The following ACOXL variants were observed in gnomAD, a reference collection of about 807,000 sequenced individuals.
ACOXL encodes acyl-coenzyme A oxidase-like protein.
A neutral mutation model predicts 71.9 loss-of-function variants in ACOXL; 70 were observed. That is an observed-to-expected ratio of 0.97 (90% confidence interval 0.80 to 1.19). The LOEUF (loss-of-function observed/expected upper bound fraction) is 1.19. Among genes scored for constraint, ACOXL ranks in the 50% most tolerant of loss-of-function variants. The pLI, the probability that ACOXL is intolerant of heterozygous loss-of-function variation, is 0.00. For synonymous variants in ACOXL, 253 were observed against 281.6 expected (o/e 0.90, Z 1.02); for missense variants, 703 against 736.3 (o/e 0.95, Z 0.52).
intron 17 of ACOXL, among the ~76,000 whole-genome samples, chr2:111,102,651 A>C (rs1422056199): frequency 1.3e-5 from 2 of 152,134 alleles, no homozygotes; most frequent in African/African-American, 4.8e-5. Context: ...TTGCACAAAA[A>C]AAAAAGACCT....
chr2:110,954,269 C>T (rs181156825), intron 12 of ACOXL, among the ~76,000 whole-genome samples: 3 of 152,254 alleles, frequency 2.0e-5, no homozygotes, highest in African/African-American at 7.2e-5. Context: ...TTATAAACAA[C>T]ATTTGCCTAT....
At chr2:110,889,798 A>G (rs563196382) in intron 10 of ACOXL, among the ~76,000 whole-genome samples, 1 of 152,296 alleles carries the variant, frequency 6.6e-6, no homozygotes, top group East Asian at 1.9e-4. Context: ...TGCTCCTATC[A>G]ACAGTCATGC....
intron 12 of ACOXL, chr2:110,968,778 CA>C (rs35801632): frequency 0.09 from 19,352 of 216,214 alleles, 1 homozygote; most frequent in Middle Eastern, 0.16. Context: ...TTATGGACAG[CA>C]AAAAAAAAAA....
intron 17 of ACOXL, among the ~76,000 whole-genome samples, chr2:111,096,910 C>T (rs1329662614): frequency 6.6e-6 from 1 of 152,096 alleles, no homozygotes; most frequent in Non-Finnish European, 1.5e-5. Flanking sequence ...TTTACCCTCC[C>T]CCTGTGGATA....
At position 110,910,087 on chromosome 2, in the gene ACOXL, A is replaced by G. The variant is rs555281274; in HGVS notation, c.905+1182A>G. Among the ~76,000 whole-genome samples the G allele has an allele frequency of 5.9e-5, 9 of 152,248 alleles. No homozygotes were observed. The South Asian group carries it at 1.9e-3, about 32-fold the overall frequency. On this transcript the variant is annotated intron_variant, in intron 11 of 17. Coordinates refer to ENST00000439055, the MANE Select transcript of ACOXL (RefSeq NM_001142807.4). ...TCTCGTGTAATAAACACTAAAACCA[A>G]ATACAAAACATTTCCATCATCCCCA...
At chr2:111,049,174 G>A in intron 15 of ACOXL, 44 bp from the exon 16 acceptor site, 3 of 1,455,086 alleles carry the variant, frequency 2.1e-6, no homozygotes, top group Non-Finnish European at 2.9e-6. Flanking sequence ...AGGGCTCTGA[G>A]GCGGAAGTGA....
chr2:110,793,359 A>C (rs549950640), intron 3 of ACOXL, among the ~76,000 whole-genome samples: 1 of 152,312 alleles, frequency 6.6e-6, no homozygotes, highest in African/African-American at 2.4e-5. Flanking sequence ...TGAGAGGACA[A>C]AGCAGAATGA....
At chr2:110,871,609 C>G (rs141373586) in intron 10 of ACOXL, among the ~76,000 whole-genome samples, 38 of 152,256 alleles carry the variant, frequency 2.5e-4, no homozygotes, top group African/African-American at 8.4e-4. Flanking sequence ...TCTTACATCA[C>G]TGCTACTAAG....
At chr2:111,075,348 T>C (rs1033701571) in intron 16 of ACOXL, among the ~76,000 whole-genome samples, 2 of 152,172 alleles carry the variant, frequency 1.3e-5, no homozygotes, top group Non-Finnish European at 2.9e-5. Context: ...AATTACTTCA[T>C]TTCAGCTGTT....
intron 10 of ACOXL, among the ~76,000 whole-genome samples, chr2:110,907,280 A>G (rs2059488574): frequency 6.6e-6 from 1 of 152,170 alleles, no homozygotes; most frequent in Admixed American, 6.5e-5. Flanking sequence ...CAATTCTATC[A>G]GATAGGATCC....
At chr2:110,840,106 T>G (rs1224163244) in intron 9 of ACOXL, among the ~76,000 whole-genome samples, 1 of 152,072 alleles carries the variant, frequency 6.6e-6, no homozygotes, top group African/African-American at 2.4e-5. Flanking sequence ...TTCTCCTGCC[T>G]CAGCCTCCTG....
intron 12 of ACOXL, among the ~76,000 whole-genome samples, chr2:110,937,755 T>G (rs2060718425): frequency 6.6e-6 from 1 of 152,184 alleles, no homozygotes; most frequent in Admixed American, 6.5e-5. Flanking sequence ...AAAAAATATA[T>G]TTCAACACAC....
intron 9 of ACOXL, among the ~76,000 whole-genome samples, chr2:110,806,183 T>C (rs1239459665): frequency 6.6e-6 from 1 of 152,234 alleles, no homozygotes; most frequent in Non-Finnish European, 1.5e-5. Flanking sequence ...CTTTACTTGC[T>C]TCGGGGTCGG....
chr2:110,809,281 C>T (rs1021589762), intron 9 of ACOXL, among the ~76,000 whole-genome samples: 5 of 152,256 alleles, frequency 3.3e-5, no homozygotes, highest in African/African-American at 1.2e-4. Flanking sequence ...GTCGTGCTCA[C>T]CTACACTTGG....
intron 16 of ACOXL, among the ~76,000 whole-genome samples, chr2:111,059,434 C>A (rs1220154561): frequency 6.6e-6 from 1 of 152,104 alleles, no homozygotes; most frequent in Non-Finnish European, 1.5e-5. Flanking sequence ...GTGAGACAAA[C>A]CTTCTATTAA....
intron 9 of ACOXL, among the ~76,000 whole-genome samples, chr2:110,841,161 C>T (rs138128093): frequency 5.3e-4 from 81 of 152,314 alleles, no homozygotes; most frequent in Middle Eastern, 6.8e-3. Flanking sequence ...TTTTACGCCT[C>T]TGTAAGACTC....
intron 2 of ACOXL, among the ~76,000 whole-genome samples, chr2:110,782,612 A>G (rs1261283862): frequency 1.3e-5 from 2 of 152,264 alleles, no homozygotes; most frequent in Non-Finnish European, 2.9e-5. Flanking sequence ...TAGGCAATTT[A>G]TAATGCTCTA....
intron 9 of ACOXL, among the ~76,000 whole-genome samples, chr2:110,834,602 T>C (rs989358452): frequency 6.6e-6 from 1 of 152,348 alleles, no homozygotes; most frequent in Admixed American, 6.5e-5. Flanking sequence ...CTGTGACAGA[T>C]GATAGTCACT....
chr2:110,778,837 C>T (rs563424349), intron 2 of ACOXL, among the ~76,000 whole-genome samples: 3 of 152,244 alleles, frequency 2.0e-5, no homozygotes, highest in South Asian at 2.1e-4. Flanking sequence ...AATATTTGCT[C>T]ATGGGCCAAA....
Sources: gnomAD v4.1 joint callset for allele counts (sites outside exome capture counted in the v4.1 genomes callset) on GRCh38, gnomAD v4.1.1 for gene constraint, MANE v1.5 for transcripts, NCBI Gene and HGNC (gene_info 2026-07-23, HGNC 2026-07-21) for gene names.